Variants in MPZ observed in about 807,000 individuals in gnomAD.
MPZ encodes myelin protein P0.
Under a neutral mutation model 27.9 loss-of-function variants are expected in MPZ, and 13 were observed. The ratio of observed to expected loss-of-function variants is 0.47; its 90% CI spans 0.30 to 0.74. The LOEUF is 0.74. Ranked by LOEUF, MPZ falls within the 30% of genes least tolerant of loss-of-function variation. The pLI is 0.06. For synonymous variants in MPZ, 118 were observed against 128.9 expected, an observed-to-expected ratio of 0.92 and a Z score of 0.57; for missense variants, 256 against 317.5, an observed-to-expected ratio of 0.81 and a Z score of 1.47.
intron 1 of MPZ, among the ~76,000 whole-genome samples, chr1:161,307,882 C>T (rs934776591): frequency 6.6e-6 from 1 of 152,164 alleles, no homozygotes; most frequent in African/African-American, 2.4e-5. Context: ...AATTCCTTTC[C>T]TGTATTCCCT....
intron 1 of MPZ, among the ~76,000 whole-genome samples, chr1:161,307,653 A>G (rs573581364): frequency 1.3e-5 from 2 of 152,378 alleles, no homozygotes; most frequent in East Asian, 3.9e-4. Context: ...AATCAGCAGT[A>G]ACAGAATTCT....
chr1:161,308,701 T>C (rs898807146), intron 1 of MPZ, among the ~76,000 whole-genome samples: 1 of 152,188 alleles, frequency 6.6e-6, no homozygotes. Context: ...CTATTCCTCC[T>C]GTTACAATAT....
chr1:161,306,213 C>T (rs1670238239), intron 4 of MPZ, 45 bp from the exon 5 acceptor site: 1 of 1,612,998 alleles, frequency 6.2e-7, no homozygotes, highest in Non-Finnish European at 8.5e-7. Context: ...GCCGGAACCC[C>T]TTGCACCGCG....
chr1:161,309,661 G>T (rs1670355444), intron 1 of MPZ, among the ~76,000 whole-genome samples, 178 bp downstream of exon 1: 1 of 150,378 alleles, frequency 6.6e-6, no homozygotes, highest in Admixed American at 6.6e-5. Context: ...CAAAGTGCTG[G>T]GATTACAGGC....
At chr1:161,304,174 G>C (rs1571815151), downstream of MPZ, among the ~76,000 whole-genome samples, 1 of 152,160 alleles carries the variant, frequency 6.6e-6, no homozygotes, top group Non-Finnish European at 1.5e-5. Context: ...ACAAAACAAA[G>C]CAGTGATTGT....
intron 1 of MPZ, 52 bp downstream of exon 1, chr1:161,309,787 G>T: frequency 7.0e-7 from 1 of 1,428,668 alleles, no homozygotes; most frequent in Non-Finnish European, 9.7e-7. Flanking sequence ...TGTGGGGATT[G>T]CTGAGAGACA....
intron 5 of MPZ, 32 bp downstream of exon 5, chr1:161,306,075 TC>T (rs1195724152): frequency 2.5e-6 from 4 of 1,613,712 alleles, no homozygotes; most frequent in Non-Finnish European, 3.4e-6. Flanking sequence ...GGGTTCTCCT[TC>T]CCATCTTGTC....
intron 2 of MPZ, 87 bp downstream of exon 2, chr1:161,307,171 T>A (rs1343205404): frequency 1.3e-6 from 2 of 1,543,958 alleles, no homozygotes; most frequent in East Asian, 4.7e-5. Context: ...CAAAAAGGAT[T>A]TCCCCCTCCT....
In MPZ at chr1:161,304,959, G is replaced by A. The variant is rs1307864205; in HGVS notation, c.*917C>T. 3 of 145,904 alleles carry A rather than the reference G, an allele frequency of 2.1e-5. No individual in the cohort carries two copies. Among genetic ancestry groups the A allele is most frequent in the Admixed American group, 6.9e-5 (1 of 14,436 alleles). 9.0% of individuals were successfully genotyped at this position (145,904 alleles called of 1,614,324 possible). A position where few individuals can be genotyped will look rare whatever the true frequency, so the allele number is the denominator to read the frequency against. ...CCTCCCCCACTCCCTGACCTATGAG[G>A]ATCCATTCTCTCTCTCTGTCTCTCT... On this transcript the variant is annotated 3_prime_UTR_variant, in exon 6 of 6. Transcript: ENST00000533357.
chr1:161,306,058 G>T (rs759189645), intron 5 of MPZ, 50 bp downstream of exon 5: 3 of 1,611,668 alleles, frequency 1.9e-6, no homozygotes, highest in Non-Finnish European at 2.5e-6. Context: ...CTGCCCGGCG[G>T]CTCCCAGGGT....
chr1:161,305,795 C>G lies in MPZ; in HGVS notation c.*81G>C, dbSNP rs1670220498. On this transcript the variant is annotated 3_prime_UTR_variant, in exon 6 of 6. Transcript: ENST00000533357. ...CCGGGCTCTGCTCATCCTTTCGTAG[C>G]TCCATCTCGATGACCATCACCTTTG... 3 of 1,043,756 alleles carry G rather than the reference C, an allele frequency of 2.9e-6. No individual in the cohort carries two copies. The highest frequency in any genetic ancestry group is 1.6e-5 in the African/African-American group (1 of 63,654). 64.7% of individuals were successfully genotyped at this position (1,043,756 alleles called of 1,614,324 possible). A position where few individuals can be genotyped will look rare whatever the true frequency, so the allele number is the denominator to read the frequency against.
At position 161,306,124 on chromosome 1, in the gene MPZ, G is replaced by A. The variant is rs1571817502; in HGVS notation, c.629C>T (p.Ser210Leu). Reference sequence around the variant, plus strand: ...CCCGCTAACCTGCCGCCCGCGCTTCGACGCGTCCTTTCCTGGCTTGTGCAA... The same window carrying A: ...CCCGCTAACCTGCCGCCCGCGCTTCAACGCGTCCTTTCCTGGCTTGTGCAA... ...GKLHKPGKDA[S>L]KRGRQTPVLY... is the part of the protein sequence containing the mutation. The change falls in exon 5 of 6, where the codon TCG becomes TTG. Residue 210 changes from serine (S) to leucine (L), a missense_variant. Transcript: ENST00000533357. 1 of 1,614,192 alleles carries A rather than the reference G, an allele frequency of 6.2e-7. No homozygotes were observed.
chr1:161,307,014 CAAAAAA>C (rs34621933), intron 2 of MPZ, 93 bp from the exon 3 acceptor site: 457 of 232,008 alleles, frequency 2.0e-3, no homozygotes, highest in South Asian at 3.2e-3. Flanking sequence ...AAGAAAAAAG[CAAAAAA>C]AAAAAAAAAA....
chr1:161,305,748 G>T lies in MPZ; in HGVS notation c.*128C>A, dbSNP rs1670219691. 1.0e-5 allele frequency: 7 copies of T among 676,856 alleles called. No homozygotes were observed. The highest frequency in any genetic ancestry group is 1.8e-5 in the Non-Finnish European group (7 of 396,618). 41.9% of individuals were successfully genotyped at this position (676,856 alleles called of 1,614,324 possible). On this transcript the variant is annotated 3_prime_UTR_variant, in exon 6 of 6. Transcript: ENST00000533357. ...GTTTTTGAGGCTGGTTCTGCTGGGG[G>T]ACTTGACAGCAGGCCGGAGCTCCGG...
At chr1:161,309,552 A>ATATTTTTTTTTTTTTTTTTT in intron 1 of MPZ, among the ~76,000 whole-genome samples, 12 of 80,644 alleles carry the variant, frequency 1.5e-4, no homozygotes, top group South Asian at 3.8e-4. Flanking sequence ...ATATATATAT[A>ATATTTTTTTTTTTTTTTTTT]TTTTTTTTTT....
intron 3 of MPZ, 96 bp downstream of exon 3, chr1:161,306,612 T>A: frequency 6.4e-7 from 1 of 1,553,498 alleles, no homozygotes; most frequent in East Asian, 2.2e-5. Flanking sequence ...TAAAGGTCCT[T>A]AGGCCGGGCT....
chr1:161,305,890 TGCGAGACTCCCCCA>T lies in MPZ; in HGVS notation c.719_732del (p.Leu240GlnfsTer3), dbSNP rs1281328692. The T allele has an allele frequency of 6.2e-7, 1 of 1,613,784 alleles. No homozygotes were observed. The highest frequency in any genetic ancestry group is 8.5e-7 in the Non-Finnish European group (1 of 1,179,812). On this transcript the variant is annotated frameshift_variant, in exon 6 of 6. Coordinates refer to ENST00000533357, the MANE Select transcript of MPZ (RefSeq NM_000530.8). LOFTEE classifies it high-confidence loss of function. ...CCCGCTAACCGCTATTTCTTATCCTTGCGAGACTCCCCCAGCCCCTTGGCCTTCTTCTCACTGAC... is the reference window on the plus strand; with the variant it reads ...CCCGCTAACCGCTATTTCTTATCCTTGCCCCTTGGCCTTCTTCTCACTGAC...
intron 1 of MPZ, among the ~76,000 whole-genome samples, chr1:161,308,740 A>G (rs966559411): frequency 1.3e-5 from 2 of 152,144 alleles, no homozygotes; most frequent in African/African-American, 4.8e-5. Flanking sequence ...GCTGTGCTCA[A>G]TGGTTCTATG....
chr1:161,304,387 G>C (rs1317553217), downstream of MPZ, among the ~76,000 whole-genome samples: 2 of 152,306 alleles, frequency 1.3e-5, no homozygotes, highest in East Asian at 3.9e-4. Flanking sequence ...TTGTTTACAA[G>C]TACATAAACA....
Sources: allele counts gnomAD v4.1 joint callset (sites outside exome capture counted in the v4.1 genomes callset), GRCh38; gene constraint gnomAD v4.1.1; transcripts MANE v1.5; gene names NCBI Gene and HGNC (gene_info 2026-07-23, HGNC 2026-07-21).